Variants in TENM2 observed in about 807,000 individuals in gnomAD.
TENM2 encodes teneurin transmembrane protein 2.
Under a neutral mutation model 245.2 loss-of-function variants are expected in TENM2, and 52 were observed. The observed-to-expected ratio is 0.21, with a 90% CI of 0.17 to 0.27. The LOEUF (loss-of-function observed/expected upper bound fraction) is 0.27, where lower values mean the gene tolerates loss of function less well. Ranked by LOEUF, TENM2 falls within the 10% of genes least tolerant of loss-of-function variation. The pLI is 1.00. For missense variants in TENM2, 3,046 were observed against 3,666.8 expected (o/e 0.83, Z 4.37); for synonymous variants, 1,363 against 1,438.9 (o/e 0.95, Z 1.19).
At chr5:168,118,221 C>G in intron 9 of TENM2, 71 bp from the exon 12 acceptor site, 1 of 1,295,244 alleles carries the variant, frequency 7.7e-7, no homozygotes, top group Non-Finnish European at 1.0e-6. Context: ...ACAGCTCTAC[C>G]TCCTTAGACT....
intron 3 of TENM2, among the ~76,000 whole-genome samples, chr5:167,918,625 G>T (rs34136062): frequency 6.6e-6 from 1 of 152,046 alleles, no homozygotes; most frequent in Non-Finnish European, 1.5e-5. Flanking sequence ...GACAGGAGCC[G>T]TGTGGCAGTG....
chr5:167,543,296 G>T (rs1772335119), intron 2 of TENM2, among the ~76,000 whole-genome samples: 1 of 152,124 alleles, frequency 6.6e-6, no homozygotes, highest in African/African-American at 2.4e-5. Context: ...CCCAGAAGTT[G>T]TCCTGTGTCA....
At chr5:168,203,783 C>A in exon 18 of TENM2, 13 of 1,613,570 alleles carry the variant, frequency 8.1e-6, no homozygotes, top group Non-Finnish European at 1.1e-5. Context: ...ACCCCTCCAA[C>A]CTCGGTGGCT....
intron 20 of TENM2, among the ~76,000 whole-genome samples, chr5:168,212,037 G>A (rs754290070): frequency 5.3e-5 from 8 of 152,058 alleles, no homozygotes; most frequent in Non-Finnish European, 8.8e-5. Flanking sequence ...TGCTCAGTGC[G>A]GTCCATAATT....
chr5:167,348,127 A>G (rs1006439624), intron 1 of TENM2, among the ~76,000 whole-genome samples: 2 of 152,186 alleles, frequency 1.3e-5, no homozygotes, highest in East Asian at 1.9e-4. Flanking sequence ...GGAGTTTGGG[A>G]AAGAATTGTT....
At chr5:166,987,660 G>A in the TENM2 span, among the ~76,000 whole-genome samples, 367 of 152,234 alleles carry the variant, frequency 2.4e-3, 4 homozygotes, top group Non-Finnish European at 4.4e-3. Flanking sequence ...GGGTTTCAGA[G>A]TATGGACAAA....
the TENM2 span, among the ~76,000 whole-genome samples, chr5:167,243,739 C>T: frequency 8.5e-5 from 13 of 152,108 alleles, no homozygotes; most frequent in Non-Finnish European, 1.6e-4. Flanking sequence ...AACACATCTC[C>T]GTGCTTCTAT....
chr5:168,211,291 A>T (rs1354465709), intron 19 of TENM2, among the ~76,000 whole-genome samples: 1 of 152,206 alleles, frequency 6.6e-6, no homozygotes, highest in Non-Finnish European at 1.5e-5. Context: ...CCTCCCTCCC[A>T]CACTCAGAGG....
intron 2 of TENM2, among the ~76,000 whole-genome samples, chr5:167,551,668 A>C (rs920596279): frequency 6.6e-6 from 1 of 152,150 alleles, no homozygotes; most frequent in Non-Finnish European, 1.5e-5. Context: ...TAAGTTTTGA[A>C]TTATTTAATC....
At chr5:168,028,197 C>G (rs183882987) in intron 5 of TENM2, among the ~76,000 whole-genome samples, 1 of 152,304 alleles carries the variant, frequency 6.6e-6, no homozygotes, top group Non-Finnish European at 1.5e-5. Flanking sequence ...CTCAATATCA[C>G]ATGTCTCTAA....
At chr5:167,118,976 C>T in the TENM2 span, among the ~76,000 whole-genome samples, 3 of 152,160 alleles carry the variant, frequency 2.0e-5, no homozygotes, top group Non-Finnish European at 4.4e-5. Flanking sequence ...ATACAGCAAT[C>T]AGAGGATTCA....
At chr5:167,953,689 G>A (rs1216570599) in intron 4 of TENM2, among the ~76,000 whole-genome samples, 2 of 152,208 alleles carry the variant, frequency 1.3e-5, no homozygotes, top group Non-Finnish European at 2.9e-5. Context: ...AGACGGAACA[G>A]AGAGGAGGGC....
chr5:167,733,017 T>A (rs531544245), intron 2 of TENM2, among the ~76,000 whole-genome samples: 2 of 152,300 alleles, frequency 1.3e-5, no homozygotes, highest in African/African-American at 4.8e-5. Context: ...TATTTTCCTA[T>A]CAGGAAATAT....
chr5:167,016,291 A>G, the TENM2 span, among the ~76,000 whole-genome samples: 1 of 151,310 alleles, frequency 6.6e-6, no homozygotes, highest in Non-Finnish European at 1.5e-5. Context: ...CAAAAAAAAA[A>G]AAAAAAAAGA....
chr5:167,591,620 A>C (rs990773003), intron 2 of TENM2, among the ~76,000 whole-genome samples: 9 of 152,350 alleles, frequency 5.9e-5, no homozygotes, highest in Admixed American at 1.3e-4. Flanking sequence ...AGTATTATAC[A>C]ATTATCATAC....
chr5:167,753,627 G>A (rs904698462), intron 2 of TENM2, among the ~76,000 whole-genome samples: 6 of 152,228 alleles, frequency 3.9e-5, no homozygotes, highest in South Asian at 2.1e-4. Flanking sequence ...CTGAGGCACA[G>A]TGTGGGTAAG....
At chr5:167,961,106 A>G (rs546803194) in intron 4 of TENM2, among the ~76,000 whole-genome samples, 1 of 152,318 alleles carries the variant, frequency 6.6e-6, no homozygotes, top group Non-Finnish European at 1.5e-5. Flanking sequence ...TTCTGTGTTG[A>G]TCTCACTGGG....
At chr5:167,019,423 G>A in the TENM2 span, among the ~76,000 whole-genome samples, 2 of 152,102 alleles carry the variant, frequency 1.3e-5, no homozygotes, top group African/African-American at 4.8e-5. Context: ...ACCTGTTCAT[G>A]GAGGTAAAAC....
intron 3 of TENM2, among the ~76,000 whole-genome samples, chr5:167,950,733 T>C (rs137927229): frequency 1.3e-4 from 20 of 152,258 alleles, no homozygotes; most frequent in Non-Finnish European, 8.8e-5. Flanking sequence ...TTTCCACTAA[T>C]ATGAGACAGA....
Sources: gnomAD v4.1 joint callset for allele counts (sites outside exome capture counted in the v4.1 genomes callset) on GRCh38, gnomAD v4.1.1 for gene constraint, MANE v1.5 for transcripts, NCBI Gene and HGNC (gene_info 2026-07-23, HGNC 2026-07-21) for gene names.